STXBP5L: variants seen among roughly 807,000 people sequenced by gnomAD.
STXBP5L encodes syntaxin-binding protein 5-like.
Under a neutral mutation model 144.5 loss-of-function variants are expected in STXBP5L, and 65 were observed. That is an observed-to-expected ratio of 0.45 (90% CI 0.37 to 0.55). The LOEUF is 0.55. Ranked by LOEUF, STXBP5L falls within the 20% of genes least tolerant of loss-of-function variation. The pLI is 0.00. For missense variants in STXBP5L, 1,298 were observed against 1,405.5 expected (o/e 0.92, Z 1.22); for synonymous variants, 505 against 469.6 (o/e 1.08, Z -0.97).
intron 2 of STXBP5L, among the ~76,000 whole-genome samples, chr3:120,940,674 A>G (rs1710523562): frequency 6.6e-6 from 1 of 151,392 alleles, no homozygotes; most frequent in African/African-American, 2.4e-5. Context: ...GTAGAGCACT[A>G]TCTGGCTACA....
intron 19 of STXBP5L, among the ~76,000 whole-genome samples, chr3:121,309,481 T>C (rs2108508808): frequency 6.6e-6 from 1 of 151,494 alleles, no homozygotes; most frequent in East Asian, 1.9e-4. Flanking sequence ...AATAACAGAG[T>C]TACAAAATAC....
intron 2 of STXBP5L, among the ~76,000 whole-genome samples, chr3:120,934,419 TG>T (rs1474934135): frequency 6.6e-6 from 1 of 152,126 alleles, no homozygotes; most frequent in Non-Finnish European, 1.5e-5. Flanking sequence ...GCCCAGAATG[TG>T]GTTTACCTTT....
intron 3 of STXBP5L, among the ~76,000 whole-genome samples, chr3:120,984,632 C>CTTTTTTTTTTT (rs35656223): frequency 1.4e-4 from 10 of 71,964 alleles, no homozygotes; most frequent in Admixed American, 8.8e-4. Context: ...TCTTTCTTTC[C>CTTTTTTTTTTT]TTTTTTTTTT....
chr3:121,325,629 C>G (rs969288904), intron 20 of STXBP5L, among the ~76,000 whole-genome samples: 1 of 151,834 alleles, frequency 6.6e-6, no homozygotes, highest in Non-Finnish European at 1.5e-5. Flanking sequence ...ATATAGTTTA[C>G]CATTAAAGTT....
At chr3:120,995,873 C>G (rs1325200825) in intron 3 of STXBP5L, among the ~76,000 whole-genome samples, 1 of 152,066 alleles carries the variant, frequency 6.6e-6, no homozygotes, top group African/African-American at 2.4e-5. Context: ...TCTGAAGTTT[C>G]AAGACTTCTT....
chr3:121,192,828 G>T (rs570337972), intron 9 of STXBP5L, among the ~76,000 whole-genome samples: 12 of 151,934 alleles, frequency 7.9e-5, no homozygotes, highest in Non-Finnish European at 1.6e-4. Context: ...AATTCAAGAC[G>T]GATTAAAGAC....
In STXBP5L at chr3:121,318,538, C is replaced by T. The variant is rs1385416062; in HGVS notation, c.2174C>T (p.Ser725Leu). 2 of 1,548,684 alleles carry T rather than the reference C, an allele frequency of 1.3e-6. No individual in the cohort carries two copies. Among genetic ancestry groups the T allele is most frequent in the Non-Finnish European group, 1.7e-6 (2 of 1,146,374 alleles). Reference protein sequence around the residue: ...LELERCKSPTSDHVNGHCTSP... With the variant: ...LELERCKSPTLDHVNGHCTSP... ...CTTGAGCGCTGCAAGTCTCCTACCT[C>T]AGGTAAACATGAGTGGTATTTTGCA... Residue 725 changes from serine to leucine, a missense_variant and splice_region_variant, in exon 20 of 27, where the codon TCA becomes TTA. By Grantham distance (145) the Ser-to-Leu change is moderately radical. Coordinates refer to ENST00000471454, the MANE Select transcript of STXBP5L (RefSeq NM_001308330.2).
Position 121,349,711 on chromosome 3 carries a change from A to C in STXBP5L, c.2177-29005A>C, listed in dbSNP as rs1576249273. 2.0e-5 allele frequency among the ~76,000 whole-genome samples: 3 copies of C among 152,096 alleles called. 1 individual carries two copies. In the South Asian group the frequency reaches 6.2e-4, roughly 32 times the overall value. ...GAATTGATCCCTTTACCATTATGTA[A>C]TGGTCTTCTTTGTCTCTTTAGATCT... On this transcript the variant is annotated intron_variant, in intron 20 of 26. Coordinates refer to ENST00000471454, the MANE Select transcript of STXBP5L (RefSeq NM_001308330.2).
chr3:120,987,487 T>A (rs1370995062), intron 3 of STXBP5L, among the ~76,000 whole-genome samples: 1 of 151,884 alleles, frequency 6.6e-6, no homozygotes. Flanking sequence ...AAGTTGTGTT[T>A]CAAGAGTTTT....
intron 3 of STXBP5L, among the ~76,000 whole-genome samples, chr3:121,028,201 T>G (rs1408678803): frequency 3.3e-5 from 5 of 152,102 alleles, no homozygotes; most frequent in Non-Finnish European, 7.4e-5. Flanking sequence ...TGACTACATT[T>G]TCATTAAGTT....
intron 9 of STXBP5L, among the ~76,000 whole-genome samples, chr3:121,181,410 TA>T (rs57251480): frequency 0.49 from 74,351 of 152,066 alleles, 18,645 homozygotes; most frequent in East Asian, 0.73. Context: ...GGGCCCCACT[TA>T]AAAGATACAA....
rs2108742264 is a variant in STXBP5L, at chr3:121,407,165, C to G, written c.2588-78C>G. 4.0e-6 allele frequency: 6 copies of G among 1,483,182 alleles called. No individual in the cohort carries two copies. The South Asian group carries it at 8.4e-5, about 21-fold the overall frequency. 91.9% of individuals were successfully genotyped at this position (1,483,182 alleles called of 1,614,324 possible). On this transcript the variant is annotated intron_variant, in intron 22 of 26. Transcript: ENST00000471454. ...TTATGACTCTATAGGTATAAATTAT[C>G]ACAATGTAAAACTTTAATTCCCTAT...
At chr3:120,910,371 T>C (rs1414772947) in intron 2 of STXBP5L, among the ~76,000 whole-genome samples, 1 of 152,200 alleles carries the variant, frequency 6.6e-6, no homozygotes, top group African/African-American at 2.4e-5. Context: ...TACTTTGATA[T>C]TGAACTTCTA....
At chr3:121,211,463 T>C (rs1386727447) in intron 10 of STXBP5L, among the ~76,000 whole-genome samples, 4 of 152,276 alleles carry the variant, frequency 2.6e-5, no homozygotes, top group Non-Finnish European at 5.9e-5. Flanking sequence ...TCCAACACTA[T>C]GTTGAATAGG....
chr3:121,029,932 C>G (rs1432600561), intron 3 of STXBP5L, among the ~76,000 whole-genome samples: 1 of 152,034 alleles, frequency 6.6e-6, no homozygotes, highest in African/African-American at 2.4e-5. Flanking sequence ...AAAAAAAGCT[C>G]ATCATCGCTG....
At chr3:121,308,045 G>A (rs139127780) in intron 19 of STXBP5L, among the ~76,000 whole-genome samples, 29 of 152,214 alleles carry the variant, frequency 1.9e-4, no homozygotes, top group Middle Eastern at 3.4e-3. Context: ...TTGGTCAAAC[G>A]AAAAAACTGT....
intron 7 of STXBP5L, among the ~76,000 whole-genome samples, chr3:121,152,020 A>G (rs2045951336): frequency 6.6e-6 from 1 of 152,024 alleles, no homozygotes; most frequent in South Asian, 2.1e-4. Context: ...GGGTTCATAA[A>G]ACATCAGTTT....
At chr3:121,094,752 G>A (rs942547725) in intron 5 of STXBP5L, among the ~76,000 whole-genome samples, 37 of 152,008 alleles carry the variant, frequency 2.4e-4, no homozygotes, top group African/African-American at 8.9e-4. Flanking sequence ...TCTTTTAATT[G>A]GAGCATGTAG....
chr3:120,965,234 A>G (rs1053752570), intron 3 of STXBP5L, among the ~76,000 whole-genome samples: 1 of 152,056 alleles, frequency 6.6e-6, no homozygotes, highest in African/African-American at 2.4e-5. Flanking sequence ...TGTTTATCCA[A>G]TTTGCCAGTC....
Sources: gnomAD v4.1 joint callset for allele counts (sites outside exome capture counted in the v4.1 genomes callset) on GRCh38, gnomAD v4.1.1 for gene constraint, MANE v1.5 for transcripts, NCBI Gene and HGNC (gene_info 2026-07-23, HGNC 2026-07-21) for gene names.